SGPP2: variants seen among roughly 807,000 people sequenced by gnomAD.
SGPP2 encodes the protein sphingosine-1-phosphate phosphatase 2.
In SGPP2, 30 loss-of-function variants were observed where a neutral mutation model predicts 33.9. The observed-to-expected ratio is 0.89, with a 90% CI of 0.66 to 1.20. SGPP2 has a LOEUF of 1.20. Among genes scored for constraint, SGPP2 ranks in the 50% most tolerant of loss-of-function variants. SGPP2 has a pLI of 0.00. For missense variants in SGPP2, 458 were observed against 532.1 expected, an observed-to-expected ratio of 0.86 and a Z score of 1.37; for synonymous variants, 233 against 225.0, an observed-to-expected ratio of 1.04 and a Z score of -0.32.
At chr2:222,532,041 GGC>G (rs2106141892) in intron 4 of SGPP2, among the ~76,000 whole-genome samples, 1 of 152,284 alleles carries the variant, frequency 6.6e-6, no homozygotes, top group African/African-American at 2.4e-5. Context: ...GGGAGGCCGA[GGC>G]AGGTGGATCA....
intron 1 of SGPP2, among the ~76,000 whole-genome samples, chr2:222,441,042 A>G (rs1386400862): frequency 6.6e-6 from 1 of 152,252 alleles, no homozygotes; most frequent in Non-Finnish European, 1.5e-5. Flanking sequence ...TACTTTGTCC[A>G]TGTGTAATTT....
chr2:222,491,286 C>T (rs996790166), intron 2 of SGPP2, among the ~76,000 whole-genome samples: 1 of 152,166 alleles, frequency 6.6e-6, no homozygotes, highest in African/African-American at 2.4e-5. Context: ...AGATAGCTAC[C>T]ACCATGCCTG....
In SGPP2 at chr2:222,558,735, C is replaced by G. The variant is rs1404470223; in HGVS notation, c.1037C>G (p.Ser346Ter). The change falls in exon 5 of 5, where the codon TCA becomes TGA. Residue 346 changes from serine (S) to a stop codon, truncating the protein, a stop_gained. Transcript: ENST00000321276. LOFTEE classifies it high-confidence loss of function. ...GTTCGTCAGCTTGTACAAAATCTCT[C>G]ACTGCAAGTATTATACTCATGGTTC... ...LLVRQLVQNLSLQVLYSWFKV... is the reference protein window; with the variant it reads ...LLVRQLVQNL 6.2e-7 allele frequency: 1 copy of G among 1,614,200 alleles called. No individual in the cohort carries two copies. Among genetic ancestry groups the G allele is most frequent in the Admixed American group, 1.7e-5 (1 of 60,024 alleles).
intron 2 of SGPP2, among the ~76,000 whole-genome samples, chr2:222,487,316 G>A (rs1698126679): frequency 6.6e-6 from 1 of 152,164 alleles, no homozygotes. Context: ...AGCCAGGTTG[G>A]GATGCGCTTA....
At chr2:222,432,936 G>A (rs1001865408) in intron 1 of SGPP2, among the ~76,000 whole-genome samples, 3 of 152,038 alleles carry the variant, frequency 2.0e-5, no homozygotes, top group African/African-American at 4.8e-5. Flanking sequence ...CAGGAGAATC[G>A]CTTGAACCCA....
chr2:222,467,507 A>G (rs1697764515), intron 1 of SGPP2, among the ~76,000 whole-genome samples: 1 of 152,168 alleles, frequency 6.6e-6, no homozygotes, highest in Non-Finnish European at 1.5e-5. Flanking sequence ...TTTATGTGAA[A>G]TTATCCGGGT....
intron 2 of SGPP2, among the ~76,000 whole-genome samples, chr2:222,475,888 TGTGA>T: frequency 6.6e-6 from 1 of 152,294 alleles, no homozygotes; most frequent in South Asian, 2.1e-4. Flanking sequence ...TGTAAAATTG[TGTGA>T]ATAATGTGCC....
chr2:222,466,277 T>TTA (rs1491154434), intron 1 of SGPP2, among the ~76,000 whole-genome samples: 1 of 147,424 alleles, frequency 6.8e-6, no homozygotes, highest in Non-Finnish European at 1.5e-5. Context: ...TTTTTTTTTT[T>TTA]AGACAGAGTC....
At chr2:222,490,524 A>G (rs1425618264) in intron 2 of SGPP2, among the ~76,000 whole-genome samples, 1 of 151,994 alleles carries the variant, frequency 6.6e-6, no homozygotes, top group Non-Finnish European at 1.5e-5. Flanking sequence ...GACTTCCTAG[A>G]CTTACTAGAC....
chr2:222,503,175 C>G (rs901548049), intron 2 of SGPP2, among the ~76,000 whole-genome samples: 10 of 152,160 alleles, frequency 6.6e-5, no homozygotes, highest in African/African-American at 2.4e-4. Flanking sequence ...GTAGCCCATT[C>G]AGGAAAAACA....
intron 1 of SGPP2, among the ~76,000 whole-genome samples, chr2:222,470,970 TG>T (rs1415754122): frequency 2.0e-5 from 3 of 152,246 alleles, no homozygotes; most frequent in African/African-American, 7.2e-5. Context: ...CTCGGACCCT[TG>T]TCCTTGTTTT....
At chr2:222,424,450 C>G (rs1020376344), upstream of SGPP2, 3 of 260,350 alleles carry the variant, frequency 1.2e-5, no homozygotes, top group African/African-American at 6.8e-5. Context: ...CGCTAGGACC[C>G]GGGCGGCGCA....
At chr2:222,522,153 G>T (rs1031862406) in intron 3 of SGPP2, among the ~76,000 whole-genome samples, 1 of 152,248 alleles carries the variant, frequency 6.6e-6, no homozygotes, top group Admixed American at 6.5e-5. Context: ...TTATGCCTGT[G>T]TGTGAACATC....
intron 1 of SGPP2, among the ~76,000 whole-genome samples, chr2:222,430,342 T>C (rs1012277658): frequency 4.6e-5 from 7 of 152,192 alleles, no homozygotes. Flanking sequence ...CAGGAAATAG[T>C]TGGTCTACTT....
At chr2:222,494,053 C>A (rs1262322727) in intron 2 of SGPP2, among the ~76,000 whole-genome samples, 1 of 152,154 alleles carries the variant, frequency 6.6e-6, no homozygotes, top group African/African-American at 2.4e-5. Context: ...TTTCCCTATT[C>A]CCACCTTTCA....
intron 2 of SGPP2, among the ~76,000 whole-genome samples, chr2:222,481,587 A>G (rs1698029526): frequency 6.6e-6 from 1 of 152,214 alleles, no homozygotes; most frequent in South Asian, 2.1e-4. Flanking sequence ...ATGCTTTTAT[A>G]CTGAGTGCTC....
At chr2:222,507,702 A>G (rs982870057) in intron 2 of SGPP2, among the ~76,000 whole-genome samples, 1 of 152,132 alleles carries the variant, frequency 6.6e-6, no homozygotes, top group African/African-American at 2.4e-5. Context: ...CCCACTCCAG[A>G]TCTCAGTTCT....
At chr2:222,484,279 C>T (rs965466491) in intron 2 of SGPP2, among the ~76,000 whole-genome samples, 2 of 152,136 alleles carry the variant, frequency 1.3e-5, no homozygotes, top group Non-Finnish European at 2.9e-5. Flanking sequence ...TCCTGCTGCC[C>T]CTTCCCCACA....
At chr2:222,459,013 T>C (rs898865600) in intron 1 of SGPP2, among the ~76,000 whole-genome samples, 1 of 152,184 alleles carries the variant, frequency 6.6e-6, no homozygotes, top group African/African-American at 2.4e-5. Flanking sequence ...AGAGAATCAC[T>C]CTGGAACCTG....
Sources: allele counts gnomAD v4.1 joint callset (sites outside exome capture counted in the v4.1 genomes callset), GRCh38; gene constraint gnomAD v4.1.1; transcripts MANE v1.5; gene names NCBI Gene and HGNC (gene_info 2026-07-23, HGNC 2026-07-21).